Variants in SPICE1 observed in about 807,000 individuals in gnomAD.
SPICE1 encodes the protein spindle and centriole-associated protein 1.
Under a neutral mutation model 102.7 loss-of-function variants are expected in SPICE1, and 75 were observed. That is an observed-to-expected ratio of 0.73 (90% CI 0.61 to 0.88). The LOEUF (loss-of-function observed/expected upper bound fraction) is 0.88, where lower values mean the gene tolerates loss of function less well. Among genes scored for constraint, SPICE1 ranks in the 40% least tolerant of loss-of-function variants. The probability of loss-of-function intolerance (pLI) is 0.00; values close to 1 mark genes in which losing one functional copy is unlikely to be tolerated. For synonymous variants in SPICE1, 308 were observed against 350.3 expected, an observed-to-expected ratio of 0.88 and a Z score of 1.35; for missense variants, 979 against 1,020.1, an observed-to-expected ratio of 0.96 and a Z score of 0.55.
intron 12 of SPICE1, among the ~76,000 whole-genome samples, chr3:113,459,150 G>A (rs1244575657): frequency 6.6e-6 from 1 of 152,144 alleles, no homozygotes; most frequent in Non-Finnish European, 1.5e-5. Flanking sequence ...TACGTGCTGT[G>A]TCCACTAAGG....
At chr3:113,509,080 G>A (rs1937167986) in intron 1 of SPICE1, among the ~76,000 whole-genome samples, 1 of 152,042 alleles carries the variant, frequency 6.6e-6, no homozygotes, top group Non-Finnish European at 1.5e-5. Context: ...GCATCTAGAG[G>A]GAGCATATAA....
intron 3 of SPICE1, among the ~76,000 whole-genome samples, chr3:113,500,180 A>T (rs113574004): frequency 1.3e-5 from 2 of 152,328 alleles, no homozygotes; most frequent in African/African-American, 4.8e-5. Flanking sequence ...ACAGATCTCA[A>T]GTGTTAGAGG....
At chr3:113,498,323 T>TA (rs1057501953) in intron 4 of SPICE1, among the ~76,000 whole-genome samples, 14 of 152,178 alleles carry the variant, frequency 9.2e-5, no homozygotes, top group African/African-American at 3.4e-4. Flanking sequence ...CACCCTTCTT[T>TA]AAACACCTAC....
In SPICE1 at chr3:113,493,638, A is replaced by T. The variant is rs535251270; in HGVS notation, c.386-326T>A. Among the ~76,000 whole-genome samples, 72 of 152,350 alleles carry T rather than the reference A, an allele frequency of 4.7e-4. 1 individual carries two copies. The South Asian group carries it at 0.014, about 30-fold the overall frequency. Reference sequence around the variant, plus strand: ...TACATGAAAAACTAATGATGTTTCTAGAAGATTAAGATAAACAATGAACTA... The same window carrying T: ...TACATGAAAAACTAATGATGTTTCTTGAAGATTAAGATAAACAATGAACTA... On this transcript the variant is annotated intron_variant, in intron 5 of 17. Coordinates refer to ENST00000295872, the MANE Select transcript of SPICE1 (RefSeq NM_144718.4).
chr3:113,490,991 C>G (rs1936751910), intron 6 of SPICE1, among the ~76,000 whole-genome samples: 1 of 152,146 alleles, frequency 6.6e-6, no homozygotes, highest in African/African-American at 2.4e-5. Flanking sequence ...CCAGTCTTGT[C>G]CCTCCCCAAT....
intron 12 of SPICE1, among the ~76,000 whole-genome samples, chr3:113,457,820 A>G (rs1372156055): frequency 1.3e-5 from 2 of 152,066 alleles, no homozygotes; most frequent in Non-Finnish European, 2.9e-5. Context: ...CATCACACCC[A>G]GCTAATTTTT....
In SPICE1 at chr3:113,457,128, A is replaced by C. The variant is rs768589969; in HGVS notation, c.1657+8T>G. 5 of 1,610,458 alleles carry C rather than the reference A, an allele frequency of 3.1e-6. No homozygotes were observed. Among genetic ancestry groups the C allele is most frequent in the Non-Finnish European group, 3.4e-6 (4 of 1,177,388 alleles). ...ACAACTTTCATGTAACTTTAGAAGAAGACTTACCGTCCTGAAGAGGAGAGA... is the reference window on the plus strand; with the variant it reads ...ACAACTTTCATGTAACTTTAGAAGACGACTTACCGTCCTGAAGAGGAGAGA... On this transcript the variant is annotated splice_region_variant and intron_variant, in intron 13 of 17. Transcript: ENST00000295872.
chr3:113,467,351 G>C (rs1457024081), intron 10 of SPICE1, among the ~76,000 whole-genome samples: 7 of 152,112 alleles, frequency 4.6e-5, no homozygotes, highest in Non-Finnish European at 1.0e-4. Flanking sequence ...GAGTGCAGTG[G>C]CGCGATCTCG....
chr3:113,510,649 A>G (rs1937202609), intron 1 of SPICE1, among the ~76,000 whole-genome samples: 1 of 152,246 alleles, frequency 6.6e-6, no homozygotes, highest in Admixed American at 6.5e-5. Flanking sequence ...TGTAAAACCC[A>G]AAACTATAAA....
At chr3:113,501,986 A>T (rs557889121) in intron 3 of SPICE1, among the ~76,000 whole-genome samples, 78 of 152,372 alleles carry the variant, frequency 5.1e-4, no homozygotes, top group African/African-American at 1.9e-3. Context: ...TAACAATGCA[A>T]AAGCAGAAAC....
rs540026814 is a variant in SPICE1, at chr3:113,468,392, G to A, written c.902C>T (p.Pro301Leu). The A allele has an allele frequency of 3.6e-5, 58 of 1,612,722 alleles. No individual in the cohort carries two copies. The highest frequency in any genetic ancestry group is 8.3e-5 in the Admixed American group (5 of 59,974). ...CGGCTTGGAAAGAGCATGCAAATTC[G>A]GTTTCCTTTTCACTGATAATGAGAG... ...KQLLNKVKRK[P>L]NLHALSKPKK... The change falls in exon 10 of 18, where the codon CCG becomes CTG. Residue 301 changes from proline (P) to leucine (L), a missense_variant. Physicochemically the swap from Pro to Leu is moderately conservative, Grantham distance 98 (BLOSUM62 -3). Transcript: ENST00000295872.
rs139574129 is a variant in SPICE1 at position 113,460,650 on chromosome 3, C to A, written c.1402G>T (p.Gly468Ter). The A allele has an allele frequency of 6.2e-7, 1 of 1,613,664 alleles. No individual in the cohort carries two copies. The highest frequency in any genetic ancestry group is 1.1e-5 in the South Asian group (1 of 91,016). Residue 468 changes from glycine (G) to a stop codon, truncating the protein, a stop_gained, in exon 12 of 18, where the codon GGA becomes TGA. Coordinates refer to ENST00000295872, the MANE Select transcript of SPICE1 (RefSeq NM_144718.4). LOFTEE classifies it high-confidence loss of function. ...TCCATAACTCTTCTACCTGTGGCTC[C>A]GCTTTCTGATGCCTGAATTTCTTGT... ...NRQEIQASES[G>*]ATGRRVMDSP...
At chr3:113,505,603 G>C (rs1937092778) in intron 2 of SPICE1, among the ~76,000 whole-genome samples, 1 of 152,150 alleles carries the variant, frequency 6.6e-6, no homozygotes, top group South Asian at 2.1e-4. Context: ...AAAGTATCAG[G>C]TCACAAAAGA....
chr3:113,448,287 C>A, intron 15 of SPICE1, 147 bp from the exon 16 acceptor site: 1 of 473,472 alleles, frequency 2.1e-6, no homozygotes, highest in Non-Finnish European at 3.4e-6. Context: ...ACTTGAAAGA[C>A]TTTTTTTTTT....
intron 12 of SPICE1, among the ~76,000 whole-genome samples, chr3:113,458,359 C>G (rs1025719770): frequency 6.6e-6 from 1 of 152,166 alleles, no homozygotes; most frequent in Admixed American, 6.5e-5. Context: ...ATTGCAGGCA[C>G]GCGCCACCAC....
chr3:113,462,947 T>A (rs1935967524), intron 11 of SPICE1, among the ~76,000 whole-genome samples: 1 of 152,106 alleles, frequency 6.6e-6, no homozygotes, highest in African/African-American at 2.4e-5. Context: ...GTCTCCTGCC[T>A]CTCTCTCTTC....
At chr3:113,497,319 T>C (rs947922556) in intron 4 of SPICE1, among the ~76,000 whole-genome samples, 1 of 152,208 alleles carries the variant, frequency 6.6e-6, no homozygotes, top group Non-Finnish European at 1.5e-5. Context: ...TTTGTTTGTT[T>C]AAAGCAAAAC....
chr3:113,462,566 T>G (rs1935958573), intron 11 of SPICE1, among the ~76,000 whole-genome samples: 1 of 152,236 alleles, frequency 6.6e-6, no homozygotes, highest in Admixed American at 6.5e-5. Flanking sequence ...GATTCCAAGC[T>G]TTGAGAAGTG....
At chr3:113,448,518 T>C (rs1377052056) in intron 15 of SPICE1, among the ~76,000 whole-genome samples, 4 of 152,170 alleles carry the variant, frequency 2.6e-5, no homozygotes, top group Non-Finnish European at 4.4e-5. Context: ...TCTGAAGTCA[T>C]TCAGTAAAAC....
Sources: allele counts gnomAD v4.1 joint callset (sites outside exome capture counted in the v4.1 genomes callset), GRCh38; gene constraint gnomAD v4.1.1; transcripts MANE v1.5; gene names NCBI Gene and HGNC (gene_info 2026-07-23, HGNC 2026-07-21).